MALRD1: variants seen among roughly 807,000 people sequenced by gnomAD.
MALRD1 encodes MAM and LDL-receptor class A domain-containing protein 1.
A neutral mutation model predicts 242.1 loss-of-function variants in MALRD1; 247 were observed. The observed-to-expected ratio is 1.02, with a 90% CI of 0.92 to 1.13. The LOEUF (loss-of-function observed/expected upper bound fraction) is 1.13. MALRD1 is among the 50% of genes most tolerant of loss of function. The pLI is 0.00. For synonymous variants in MALRD1, 995 were observed against 866.6 expected (o/e 1.15, Z -2.60); for missense variants, 2,989 against 2,533.1 (o/e 1.18, Z -3.86).
At chr10:19,443,743 A>G (rs943833408) in intron 28 of MALRD1, among the ~76,000 whole-genome samples, 3 of 152,176 alleles carry the variant, frequency 2.0e-5, no homozygotes, top group Non-Finnish European at 2.9e-5. Context: ...ACTTCCAACT[A>G]TGTGGTCAGT....
intron 28 of MALRD1, among the ~76,000 whole-genome samples, chr10:19,403,779 T>C (rs1846968673): frequency 6.6e-6 from 1 of 152,120 alleles, no homozygotes; most frequent in African/African-American, 2.4e-5. Context: ...TCCTGAATGA[T>C]GAAAGAATGG....
chr10:19,232,813 C>T (rs1222524711), intron 18 of MALRD1, among the ~76,000 whole-genome samples: 1 of 151,986 alleles, frequency 6.6e-6, no homozygotes, highest in East Asian at 1.9e-4. Flanking sequence ...ATGTGTCCCC[C>T]ACCCCAACCC....
At chr10:19,347,636 A>T in intron 24 of MALRD1, 135 bp from the exon 25 acceptor site, 2 of 1,029,098 alleles carry the variant, frequency 1.9e-6, no homozygotes, top group Non-Finnish European at 2.8e-6. Flanking sequence ...GTCTCTTTAT[A>T]TGTTGCTATC....
chr10:19,644,743 G>T (rs1285011939), intron 36 of MALRD1, among the ~76,000 whole-genome samples: 1 of 152,124 alleles, frequency 6.6e-6, no homozygotes, highest in Non-Finnish European at 1.5e-5. Flanking sequence ...TAATGAGGGT[G>T]TTACTTTCAG....
chr10:19,271,279 A>G (rs185222643), intron 19 of MALRD1, among the ~76,000 whole-genome samples: 1 of 152,368 alleles, frequency 6.6e-6, no homozygotes, highest in African/African-American at 2.4e-5. Context: ...CAATATACAC[A>G]TTAACACTAA....
chr10:19,373,203 C>CAAA (rs374095193), intron 26 of MALRD1, among the ~76,000 whole-genome samples: 11 of 114,868 alleles, frequency 9.6e-5, no homozygotes, highest in East Asian at 5.1e-4. Flanking sequence ...ACGCTAAATA[C>CAAA]AAAAAAAAAA....
chr10:19,047,355 GGTGTGT>G (rs3042212), upstream of MALRD1, among the ~76,000 whole-genome samples: 11,446 of 148,780 alleles, frequency 0.077, 744 homozygotes, highest in African/African-American at 0.17. Flanking sequence ...GTGTTAATTA[GGTGTGT>G]GTGTGTGTGT....
At chr10:19,202,951 C>A (rs1836610471) in intron 14 of MALRD1, among the ~76,000 whole-genome samples, 1 of 152,104 alleles carries the variant, frequency 6.6e-6, no homozygotes, top group Non-Finnish European at 1.5e-5. Context: ...TCTCTGTCTT[C>A]TTTTGTAAAA....
chr10:19,555,212 G>T (rs944642167), intron 32 of MALRD1, among the ~76,000 whole-genome samples: 1 of 151,966 alleles, frequency 6.6e-6, no homozygotes, highest in Non-Finnish European at 1.5e-5. Context: ...CTCAGAAGAG[G>T]GTATCAAACC....
intron 31 of MALRD1, among the ~76,000 whole-genome samples, chr10:19,526,167 C>T (rs2131331908): frequency 6.6e-6 from 1 of 152,040 alleles, no homozygotes; most frequent in African/African-American, 2.4e-5. Flanking sequence ...AATGAAGCAA[C>T]TGAAAGTTTA....
intron 21 of MALRD1, among the ~76,000 whole-genome samples, chr10:19,297,940 T>C (rs1008970401): frequency 2.2e-4 from 34 of 152,002 alleles, no homozygotes; most frequent in Non-Finnish European, 3.7e-4. Flanking sequence ...AAATAATAAA[T>C]GATTATTTTA....
chr10:19,458,817 A>G (rs144328969), intron 29 of MALRD1, among the ~76,000 whole-genome samples: 64 of 152,258 alleles, frequency 4.2e-4, no homozygotes, highest in African/African-American at 1.5e-3. Context: ...TAGTATATCT[A>G]CATCTGCCTC....
intron 21 of MALRD1, among the ~76,000 whole-genome samples, chr10:19,306,109 A>ATATAC (rs1842176573): frequency 3.6e-5 from 4 of 110,628 alleles, no homozygotes; most frequent in South Asian, 2.4e-4. Context: ...TAGATAGTAT[A>ATATAC]TATATACTAT....
At chr10:19,370,894 A>T (rs1447527444) in intron 26 of MALRD1, among the ~76,000 whole-genome samples, 1 of 152,030 alleles carries the variant, frequency 6.6e-6, no homozygotes, top group African/African-American at 2.4e-5. Context: ...TAGTTTTAAT[A>T]GTCACCTTTT....
chr10:19,539,222 G>A (rs1011843564), intron 32 of MALRD1, among the ~76,000 whole-genome samples: 17 of 152,036 alleles, frequency 1.1e-4, no homozygotes, highest in African/African-American at 2.9e-4. Flanking sequence ...AAGTACTGAC[G>A]TTATCTACAT....
chr10:19,678,889 T>A lies in MALRD1; in HGVS notation c.6138-13393T>A, dbSNP rs149214470. ...GTGGTATTTTATTGAAGGCCTTTTC[T>A]GCATCTATTGAGACAATCCATGATT... On this transcript the variant is annotated intron_variant, in intron 36 of 39. Coordinates refer to ENST00000454679, the MANE Select transcript of MALRD1 (RefSeq NM_001142308.3). Among the ~76,000 whole-genome samples the A allele has an allele frequency of 3.7e-4, 57 of 152,358 alleles. No individual in the cohort carries two copies. In the East Asian group the frequency reaches 5.6e-3, roughly 15 times the overall value.
chr10:19,498,091 C>T (rs530583051), intron 30 of MALRD1, among the ~76,000 whole-genome samples: 5 of 152,242 alleles, frequency 3.3e-5, no homozygotes, highest in East Asian at 1.9e-4. Context: ...GACTTTGCGT[C>T]GCTAATAGGC....
Position 19,450,466 on chromosome 10 carries a change from A to G in MALRD1, c.5005A>G (p.Ile1669Val). ...GGGAGGAGGAGCTGCAATTGATGAT[A>G]TTGAATTTAAAAACTGCACAACTGG... ...DLGGGAAIDD[I>V]EFKNCTTVGE... The change falls in exon 29 of 40, where the codon ATT (isoleucine) becomes GTT (valine). Residue 1669 changes from isoleucine to valine, a missense_variant. By Grantham distance (29) the Ile-to-Val change is conservative. Transcript: ENST00000454679. The G allele has an allele frequency of 6.5e-7, 1 of 1,549,568 alleles. No homozygotes were observed. The highest frequency in any genetic ancestry group is 8.7e-7 in the Non-Finnish European group (1 of 1,146,596).
intron 36 of MALRD1, among the ~76,000 whole-genome samples, chr10:19,618,181 G>A (rs1839250549): frequency 6.6e-6 from 1 of 151,958 alleles, no homozygotes; most frequent in African/African-American, 2.4e-5. Flanking sequence ...TTTTAAGGCT[G>A]CATAGTATTC....
Sources: allele counts gnomAD v4.1 joint callset (sites outside exome capture counted in the v4.1 genomes callset), GRCh38; gene constraint gnomAD v4.1.1; transcripts MANE v1.5; gene names NCBI Gene and HGNC (gene_info 2026-07-23, HGNC 2026-07-21).